Variants in TTC29 observed in about 807,000 individuals in gnomAD.
TTC29 encodes the protein tetratricopeptide repeat domain 29.
Under a neutral mutation model 58.1 loss-of-function variants are expected in TTC29, and 49 were observed. The observed-to-expected ratio is 0.84, with a 90% CI of 0.67 to 1.07. The LOEUF (loss-of-function observed/expected upper bound fraction) is 1.07, where lower values mean the gene tolerates loss of function less well. Ranked by LOEUF, TTC29 falls within the 50% of genes least tolerant of loss-of-function variation. The pLI, the probability that TTC29 is intolerant of heterozygous loss-of-function variation, is 0.00. For synonymous variants in TTC29, 209 were observed against 196.8 expected, an observed-to-expected ratio of 1.06 and a Z score of -0.52; for missense variants, 582 against 555.6, an observed-to-expected ratio of 1.05 and a Z score of -0.48.
At chr4:146,899,992 TG>T (rs1733033763) in intron 6 of TTC29, among the ~76,000 whole-genome samples, 2 of 152,204 alleles carry the variant, frequency 1.3e-5, no homozygotes, top group Admixed American at 1.3e-4. Context: ...ATCAGATATG[TG>T]GAAGCTGGAC....
intron 4 of TTC29, chr4:146,934,446 T>C (rs2150324301): frequency 6.6e-6 from 1 of 152,122 alleles, no homozygotes; most frequent in East Asian, 1.9e-4. Flanking sequence ...CAGTTTTGGG[T>C]TATATTAACC....
intron 6 of TTC29, among the ~76,000 whole-genome samples, chr4:146,884,673 T>C (rs115954353): frequency 1.1e-3 from 166 of 152,108 alleles, no homozygotes; most frequent in African/African-American, 3.8e-3. Context: ...AGAGAAAAAA[T>C]GCTCCCAAGG....
intron 11 of TTC29, among the ~76,000 whole-genome samples, chr4:146,737,589 C>A (rs1393577384): frequency 3.5e-5 from 1 of 28,476 alleles, no homozygotes. Context: ...GCTAGTAGCC[C>A]TGGGGGGGGG....
At chr4:146,751,070 T>C (rs149506156) in intron 11 of TTC29, among the ~76,000 whole-genome samples, 12 of 152,260 alleles carry the variant, frequency 7.9e-5, no homozygotes, top group African/African-American at 2.6e-4. Flanking sequence ...ACTACACTTA[T>C]ATTGGATAAG....
intron 11 of TTC29, among the ~76,000 whole-genome samples, chr4:146,716,684 A>G (rs926598442): frequency 2.0e-5 from 3 of 152,138 alleles, no homozygotes; most frequent in African/African-American, 7.2e-5. Flanking sequence ...CAGTCCAAAT[A>G]TAGTATTATA....
At chr4:146,726,808 C>A (rs1743816938) in intron 11 of TTC29, among the ~76,000 whole-genome samples, 1 of 151,958 alleles carries the variant, frequency 6.6e-6, no homozygotes, top group African/African-American at 2.4e-5. Context: ...ACTTTATTAA[C>A]TTTTGTGAAA....
chr4:146,744,042 G>A (rs902376387), intron 11 of TTC29, among the ~76,000 whole-genome samples: 4 of 152,188 alleles, frequency 2.6e-5, no homozygotes, highest in African/African-American at 9.7e-5. Context: ...AGAGGATTAA[G>A]GCCAGAATGA....
intron 8 of TTC29, among the ~76,000 whole-genome samples, chr4:146,859,356 A>C: frequency 6.6e-6 from 1 of 151,400 alleles, no homozygotes; most frequent in Non-Finnish European, 1.5e-5. Flanking sequence ...CTTTGTTCTC[A>C]TTTCCTTCCC....
intron 4 of TTC29, among the ~76,000 whole-genome samples, chr4:146,937,185 G>T (rs1735902719): frequency 6.6e-6 from 1 of 151,936 alleles, no homozygotes; most frequent in African/African-American, 2.4e-5. Flanking sequence ...GTGAGTGCTT[G>T]GGTGGAAAAG....
chr4:146,816,411 A>G (rs1751411495), intron 10 of TTC29, among the ~76,000 whole-genome samples: 1 of 152,162 alleles, frequency 6.6e-6, no homozygotes, highest in Non-Finnish European at 1.5e-5. Flanking sequence ...AATAAAGGCA[A>G]AGAAATGGGC....
At chr4:146,784,272 CA>C (rs1748841115) in intron 11 of TTC29, among the ~76,000 whole-genome samples, 1 of 151,632 alleles carries the variant, frequency 6.6e-6, no homozygotes, top group Non-Finnish European at 1.5e-5. Flanking sequence ...AAACTTACTC[CA>C]ATAAGTGACA....
chr4:146,915,731 C>T (rs1358105807), intron 4 of TTC29, among the ~76,000 whole-genome samples: 1 of 151,704 alleles, frequency 6.6e-6, no homozygotes, highest in Non-Finnish European at 1.5e-5. Flanking sequence ...AAATCAAAGG[C>T]ATTATTGTAT....
intron 4 of TTC29, among the ~76,000 whole-genome samples, chr4:146,924,303 T>C (rs1035844198): frequency 8.6e-5 from 13 of 151,906 alleles, no homozygotes; most frequent in Admixed American, 4.6e-4. Context: ...CCTTTTCTAT[T>C]TTCTTGAAGA....
Position 146,780,367 on chromosome 4 carries a change from C to T in TTC29, c.1330+23090G>A, listed in dbSNP as rs371517886. Among the ~76,000 whole-genome samples the T allele has an allele frequency of 9.4e-5, 14 of 148,500 alleles. No homozygotes were observed. In the East Asian group the frequency reaches 1.0e-3, roughly 11 times the overall value. ...TGTGTGTAGATGTCAAAAGAATTTT[C>T]ACTCTCTCCATTGTAAATGTTCTTA... On this transcript the variant is annotated intron_variant, in intron 11 of 12. Coordinates refer to ENST00000325106, the MANE Select transcript of TTC29 (RefSeq NM_031956.4).
chr4:146,740,277 C>T (rs938382610), intron 11 of TTC29, among the ~76,000 whole-genome samples: 4 of 152,144 alleles, frequency 2.6e-5, no homozygotes, highest in Admixed American at 1.3e-4. Context: ...AGGAGAAACA[C>T]GTCCTTGTGT....
At chr4:146,868,453 A>G (rs1730710649) in intron 7 of TTC29, among the ~76,000 whole-genome samples, 1 of 152,138 alleles carries the variant, frequency 6.6e-6, no homozygotes, top group African/African-American at 2.4e-5. Context: ...TTCCATGCAT[A>G]TTTGAAATCC....
chr4:146,924,497 G>T (rs1403964419), intron 4 of TTC29, among the ~76,000 whole-genome samples: 1 of 151,816 alleles, frequency 6.6e-6, no homozygotes, highest in East Asian at 1.9e-4. Context: ...TGTCTTTTGA[G>T]AAATTTAGCC....
intron 11 of TTC29, among the ~76,000 whole-genome samples, chr4:146,754,139 T>TA (rs200828592): frequency 8.6e-5 from 13 of 150,398 alleles, no homozygotes; most frequent in Admixed American, 4.0e-4. Context: ...TTTATATATT[T>TA]AAAAAAAAAG....
At chr4:146,846,608 C>T (rs950479290) in intron 8 of TTC29, among the ~76,000 whole-genome samples, 5 of 152,220 alleles carry the variant, frequency 3.3e-5, no homozygotes, top group East Asian at 1.9e-4. Flanking sequence ...CCACCTTGAA[C>T]GAAATGGTTT....
Sources: allele counts gnomAD v4.1 joint callset (sites outside exome capture counted in the v4.1 genomes callset), GRCh38; gene constraint gnomAD v4.1.1; transcripts MANE v1.5; gene names NCBI Gene and HGNC (gene_info 2026-07-23, HGNC 2026-07-21).